ACTR5: variants seen among roughly 807,000 people sequenced by gnomAD.
ACTR5 encodes the protein actin-related protein 5.
Under a neutral mutation model 61.2 loss-of-function variants are expected in ACTR5, and 43 were observed. The observed-to-expected ratio is 0.70, with a 90% CI of 0.55 to 0.91. ACTR5 has a LOEUF of 0.91. ACTR5 is among the 40% of genes least tolerant of loss of function. The pLI is 0.00. For synonymous variants in ACTR5, 333 were observed against 310.5 expected, an observed-to-expected ratio of 1.07 and a Z score of -0.76; for missense variants, 798 against 782.2, an observed-to-expected ratio of 1.02 and a Z score of -0.24.
Position 38,756,046 on chromosome 20 carries a change from T to C in ACTR5, c.1176+7T>C. ...GGTAGACAGCAAGCCAGAGGTAACT[T>C]AGGGCCTTGGAAGGAGCAGCCCTTC... On this transcript the variant is annotated splice_region_variant and intron_variant, in intron 5 of 8. Transcript: ENST00000243903. The C allele has an allele frequency of 6.2e-7, 1 of 1,609,220 alleles. No individual in the cohort carries two copies. The highest frequency in any genetic ancestry group is 8.5e-7 in the Non-Finnish European group (1 of 1,178,618).
intron 7 of ACTR5, 74 bp downstream of exon 7, chr20:38,766,451 T>G: frequency 1.1e-5 from 17 of 1,497,884 alleles, no homozygotes; most frequent in Middle Eastern, 1.8e-4. Context: ...ATGGTAGATT[T>G]GATGGTCAGG....
intron 5 of ACTR5, among the ~76,000 whole-genome samples, chr20:38,756,487 T>C (rs1337051902): frequency 6.6e-6 from 1 of 152,260 alleles, no homozygotes; most frequent in Non-Finnish European, 1.5e-5. Flanking sequence ...GTAGTTATGC[T>C]CAATAATATA....
chr20:38,751,916 G>A (rs979750869), intron 2 of ACTR5, among the ~76,000 whole-genome samples: 1 of 152,182 alleles, frequency 6.6e-6, no homozygotes, highest in African/African-American at 2.4e-5. Context: ...TACTTGTTAG[G>A]TGGCCGTGTG....
chr20:38,763,564 T>G (rs995927387), intron 5 of ACTR5, among the ~76,000 whole-genome samples: 1 of 152,226 alleles, frequency 6.6e-6, no homozygotes, highest in Non-Finnish European at 1.5e-5. Flanking sequence ...ATCCTTAGCC[T>G]CATGATTTAT....
At chr20:38,761,432 A>C (rs1309017315) in intron 5 of ACTR5, 1 of 152,248 alleles carries the variant, frequency 6.6e-6, no homozygotes, top group Admixed American at 6.5e-5. Flanking sequence ...GGAAGCCAAA[A>C]GGGTTGATGG....
chr20:38,764,440 C>G (rs2084473366), intron 5 of ACTR5, among the ~76,000 whole-genome samples: 1 of 152,170 alleles, frequency 6.6e-6, no homozygotes, highest in African/African-American at 2.4e-5. Context: ...CACCACCATC[C>G]CCAACTTATT....
chr20:38,755,349 T>C (rs571836749), intron 4 of ACTR5, among the ~76,000 whole-genome samples, 175 bp downstream of exon 4: 1 of 152,366 alleles, frequency 6.6e-6, no homozygotes, highest in East Asian at 1.9e-4. Flanking sequence ...CAGCTGTTTC[T>C]GAAAGAGCTG....
intron 5 of ACTR5, among the ~76,000 whole-genome samples, chr20:38,763,887 C>T (rs1315697027): frequency 1.3e-5 from 2 of 152,172 alleles, no homozygotes; most frequent in African/African-American, 4.8e-5. Context: ...AAACCAGCCC[C>T]CTCATCCTGT....
intron 8 of ACTR5, 152 bp downstream of exon 8, chr20:38,767,748 G>T: frequency 1.2e-6 from 1 of 855,386 alleles, no homozygotes; most frequent in Non-Finnish European, 1.7e-6. Flanking sequence ...AAGCAAAATG[G>T]GAATCATGTT....
At chr20:38,770,922 A>AGGGAGTGGGGAGGTGAGAGGGAGGT in intron 8 of ACTR5, among the ~76,000 whole-genome samples, 1 of 152,138 alleles carries the variant, frequency 6.6e-6, no homozygotes, top group Middle Eastern at 3.4e-3. Context: ...GGGAGGTGAG[A>AGGGAGTGGGGAGGTGAGAGGGAGGT]GGGAGGTAGG....
chr20:38,770,682 T>C (rs2084514597), intron 8 of ACTR5, among the ~76,000 whole-genome samples: 1 of 152,184 alleles, frequency 6.6e-6, no homozygotes, highest in South Asian at 2.1e-4. Flanking sequence ...CTTACACTCA[T>C]GCACTTAAAT....
Position 38,750,123 on chromosome 20 carries a change from T to C in ACTR5, c.489T>C (p.Tyr163=), listed in dbSNP as rs1246806880. The change falls in exon 2 of 9, where the codon TAT becomes TAC. Residue 163 remains tyrosine (Y), a synonymous_variant. Transcript: ENST00000243903. ...FECYGIPKVA[Y]GIDSLFSFYH... ...GCTACGGGATTCCCAAGGTTGCCTA[T>C]GGAATAGACAGCCTCTTCAGCTTCT... 6.2e-7 allele frequency: 1 copy of C among 1,614,210 alleles called. No individual in the cohort carries two copies. Among genetic ancestry groups the C allele is most frequent in the Non-Finnish European group, 8.5e-7 (1 of 1,180,032 alleles).
rs565760191 is a variant in ACTR5 at position 38,766,151 on chromosome 20, G to T, written c.1294-87G>T. On this transcript the variant is annotated intron_variant, in intron 6 of 8. Coordinates refer to ENST00000243903, the MANE Select transcript of ACTR5 (RefSeq NM_024855.4). ...ATTAACAAGGGACAGAAACTATTGG[G>T]ATTAAGAAACGCAGTTTGAGGAAAC... 3.4e-5 allele frequency: 49 copies of T among 1,438,830 alleles called. No individual in the cohort carries two copies. The African/African-American group carries it at 7.4e-4, about 22-fold the overall frequency. 89.1% of individuals were successfully genotyped at this position (1,438,830 alleles called of 1,614,324 possible).
chr20:38,754,864 C>T (rs1012670817), intron 3 of ACTR5, 93 bp from the exon 4 acceptor site: 2 of 1,281,810 alleles, frequency 1.6e-6, no homozygotes, highest in African/African-American at 1.5e-5. Context: ...GCTGGGATTA[C>T]AGGCGTGAGC....
intron 3 of ACTR5, 41 bp downstream of exon 3, chr20:38,752,341 C>T (rs1259166438): frequency 4.5e-6 from 7 of 1,561,550 alleles, no homozygotes; most frequent in Non-Finnish European, 6.1e-6. Context: ...TGGGTGTTGT[C>T]TACCTTGTAT....
intron 7 of ACTR5, 42 bp downstream of exon 7, chr20:38,766,419 A>G (rs755225539): frequency 1.3e-6 from 2 of 1,535,650 alleles, no homozygotes; most frequent in Non-Finnish European, 1.7e-6. Flanking sequence ...TTCCTGAACC[A>G]TTTCCTTGGA....
At chr20:38,768,827 T>C (rs1035476294) in intron 8 of ACTR5, among the ~76,000 whole-genome samples, 3 of 152,230 alleles carry the variant, frequency 2.0e-5, no homozygotes, top group Non-Finnish European at 2.9e-5. Flanking sequence ...CTGTTAACTC[T>C]TTTCTGCACA....
At chr20:38,758,164 C>G (rs2084431302) in intron 5 of ACTR5, among the ~76,000 whole-genome samples, 1 of 152,002 alleles carries the variant, frequency 6.6e-6, no homozygotes, top group Non-Finnish European at 1.5e-5. Flanking sequence ...ACTAGTTTTT[C>G]CTTTTCTTTG....
intron 5 of ACTR5, among the ~76,000 whole-genome samples, chr20:38,757,468 C>CTTGTTTT (rs1026574776): frequency 1.6e-4 from 24 of 152,216 alleles, no homozygotes; most frequent in African/African-American, 4.3e-4. Context: ...AGACTAGCCT[C>CTTGTTTT]TTGTTTTTTG....
Sources: allele counts gnomAD v4.1 joint callset (sites outside exome capture counted in the v4.1 genomes callset), GRCh38; gene constraint gnomAD v4.1.1; transcripts MANE v1.5; gene names NCBI Gene and HGNC (gene_info 2026-07-23, HGNC 2026-07-21).